KIAA1217: variants seen among roughly 807,000 people sequenced by gnomAD.
KIAA1217 encodes sickle tail protein homolog.
Under a neutral mutation model 163.9 loss-of-function variants are expected in KIAA1217, and 88 were observed. The ratio of observed to expected loss-of-function variants is 0.54; its 90% CI spans 0.45 to 0.64. The LOEUF (loss-of-function observed/expected upper bound fraction) is 0.64. KIAA1217 is among the 30% of genes least tolerant of loss of function. The pLI is 0.00. For missense variants in KIAA1217, 2,372 were observed against 2,475.0 expected (o/e 0.96, Z 0.88); for synonymous variants, 903 against 923.1 (o/e 0.98, Z 0.39).
rs16923948 is a variant in KIAA1217 at position 23,834,215 on chromosome 10, C to G, written c.-321+138981C>G. 5.7e-3 allele frequency among the ~76,000 whole-genome samples: 861 copies of G among 152,210 alleles called. 14 individuals carry two copies. Among genetic ancestry groups the G allele is most frequent in the African/African-American group, 0.019 (782 of 41,536 alleles). Reference sequence around the variant, plus strand: ...TCACCCCTGGGCTCCTAGTTCAGAACCAGATCTTATTATGTTTTGAACTTT... The same window carrying G: ...TCACCCCTGGGCTCCTAGTTCAGAAGCAGATCTTATTATGTTTTGAACTTT... On this transcript the variant is annotated intron_variant, in intron 1 of 18. Transcript: ENST00000376462.
intron 1 of KIAA1217, among the ~76,000 whole-genome samples, chr10:23,993,566 T>TTTTTTTTTTTTTTTTTTTTTC (rs1846324326): frequency 7.7e-6 from 1 of 129,908 alleles, no homozygotes; most frequent in African/African-American, 3.2e-5. Context: ...TTTTTTTTTT[T>TTTTTTTTTTTTTTTTTTTTTC]TTTTTTTGAG....
chr10:24,543,849 G>T lies in KIAA1217; in HGVS notation c.4579G>T (p.Ala1527Ser), dbSNP rs1246940818. ...AACAAAGTCACAGCCACACTCCCTGGCCACAGAGACCAGAAACCCAGGAGG... is the reference window on the plus strand; with the variant it reads ...AACAAAGTCACAGCCACACTCCCTGTCCACAGAGACCAGAAACCCAGGAGG... ...VETKSQPHSL[A>S]TETRNPGGQE... The change falls in exon 19 of 21, where the codon GCC (alanine) becomes TCC (serine). Residue 1527 changes from alanine to serine, a missense_variant. By Grantham distance (99) the Ala-to-Ser change is moderately conservative. This residue lies in a region of KIAA1217 where 690 missense variants were observed against 677.5 expected (regional missense o/e 1.02). Coordinates refer to ENST00000376454, the MANE Select transcript of KIAA1217 (RefSeq NM_019590.5). 5 of 1,613,880 alleles carry T rather than the reference G, an allele frequency of 3.1e-6. No individual in the cohort carries two copies. In the African/African-American group the frequency reaches 5.3e-5, roughly 17 times the overall value.
chr10:24,523,948 C>G (rs1408043805), intron 12 of KIAA1217, among the ~76,000 whole-genome samples: 1 of 152,104 alleles, frequency 6.6e-6, no homozygotes, highest in Non-Finnish European at 1.5e-5. Flanking sequence ...GAAGAGCAAA[C>G]AGAAGGAATT....
chr10:23,931,217 T>G, intron 1 of KIAA1217, among the ~76,000 whole-genome samples: 1 of 152,110 alleles, frequency 6.6e-6, no homozygotes, highest in East Asian at 1.9e-4. Flanking sequence ...ATTCCTACAA[T>G]AATTCTGAGT....
chr10:24,437,423 A>C (rs896148651), intron 4 of KIAA1217, among the ~76,000 whole-genome samples: 1 of 152,240 alleles, frequency 6.6e-6, no homozygotes, highest in Non-Finnish European at 1.5e-5. Context: ...ACAGAAACAC[A>C]AGCCAGTAAT....
At chr10:23,813,479 A>T (rs1837171072) in intron 1 of KIAA1217, among the ~76,000 whole-genome samples, 1 of 151,870 alleles carries the variant, frequency 6.6e-6, no homozygotes, top group African/African-American at 2.4e-5. Context: ...ATCTTTATGT[A>T]TGTAATGGTT....
At chr10:23,955,141 C>T (rs1486894987) in intron 1 of KIAA1217, among the ~76,000 whole-genome samples, 5 of 152,136 alleles carry the variant, frequency 3.3e-5, no homozygotes, top group Non-Finnish European at 7.3e-5. Context: ...ATTATTGTCC[C>T]TCTTTTATAG....
chr10:23,996,092 T>C (rs1846467123), intron 1 of KIAA1217, among the ~76,000 whole-genome samples: 1 of 152,194 alleles, frequency 6.6e-6, no homozygotes. Flanking sequence ...TCTGGTTTCA[T>C]AGAGAAGCAA....
intron 2 of KIAA1217, among the ~76,000 whole-genome samples, chr10:24,203,733 T>G (rs902969767): frequency 6.6e-6 from 1 of 152,156 alleles, no homozygotes; most frequent in Non-Finnish European, 1.5e-5. Context: ...CTGTAGAAGC[T>G]CTCATATTCT....
intron 1 of KIAA1217, among the ~76,000 whole-genome samples, chr10:23,715,653 C>T (rs1394346725): frequency 6.6e-6 from 1 of 152,082 alleles, no homozygotes; most frequent in East Asian, 1.9e-4. Context: ...TGATGACTAA[C>T]ATGTAAATTT....
chr10:23,982,486 T>C (rs1471905482), intron 1 of KIAA1217, among the ~76,000 whole-genome samples: 1 of 151,580 alleles, frequency 6.6e-6, no homozygotes, highest in Non-Finnish European at 1.5e-5. Flanking sequence ...TCTTTAAAAA[T>C]AGTGGAAACT....
At chr10:23,923,179 T>G (rs1842910451) in intron 1 of KIAA1217, among the ~76,000 whole-genome samples, 1 of 152,160 alleles carries the variant, frequency 6.6e-6, no homozygotes, top group East Asian at 1.9e-4. Context: ...CACATGTCAG[T>G]GAGAACATAC....
At chr10:23,708,806 C>T (rs1038590071) in intron 1 of KIAA1217, among the ~76,000 whole-genome samples, 1 of 152,042 alleles carries the variant, frequency 6.6e-6, no homozygotes, top group African/African-American at 2.4e-5. Flanking sequence ...GATGACTCTT[C>T]CTAGTTCATG....
intron 1 of KIAA1217, among the ~76,000 whole-genome samples, chr10:23,982,847 A>G (rs1463201229): frequency 1.3e-5 from 2 of 152,096 alleles, no homozygotes; most frequent in South Asian, 4.1e-4. Flanking sequence ...TACAGGCATG[A>G]GCCACAGCAC....
intron 3 of KIAA1217, among the ~76,000 whole-genome samples, chr10:24,408,740 T>G (rs2057464023): frequency 6.6e-6 from 1 of 152,140 alleles, no homozygotes; most frequent in Non-Finnish European, 1.5e-5. Context: ...TCAATCTTTA[T>G]TCAAACACCA....
intron 2 of KIAA1217, among the ~76,000 whole-genome samples, chr10:24,013,282 A>C (rs1270556222): frequency 6.6e-6 from 1 of 152,048 alleles, no homozygotes; most frequent in Non-Finnish European, 1.5e-5. Flanking sequence ...TTTGGGCATG[A>C]GTTATAGTGT....
chr10:23,733,159 G>A (rs1339652473), intron 1 of KIAA1217, among the ~76,000 whole-genome samples: 1 of 151,792 alleles, frequency 6.6e-6, no homozygotes, highest in Non-Finnish European at 1.5e-5. Context: ...GACTACAGAT[G>A]CCCGCCACCA....
chr10:23,742,013 G>C (rs1839148079), intron 1 of KIAA1217, among the ~76,000 whole-genome samples: 1 of 152,182 alleles, frequency 6.6e-6, no homozygotes, highest in African/African-American at 2.4e-5. Context: ...ATGCTCTAGA[G>C]AACTGACCTT....
chr10:24,416,053 C>T (rs763358506), intron 3 of KIAA1217, among the ~76,000 whole-genome samples: 1 of 152,274 alleles, frequency 6.6e-6, no homozygotes, highest in East Asian at 1.9e-4. Context: ...CTGAGAGTGT[C>T]CCCAGGGCAG....
Sources: allele counts gnomAD v4.1 joint callset (sites outside exome capture counted in the v4.1 genomes callset), GRCh38; gene constraint gnomAD v4.1.1; regional missense constraint gnomAD v4.1.1; transcripts MANE v1.5; gene names NCBI Gene and HGNC (gene_info 2026-07-23, HGNC 2026-07-21).